NECAB1: variants seen among roughly 807,000 people sequenced by gnomAD.
NECAB1 encodes the protein N-terminal EF-hand calcium binding protein 1, also known as N-terminal EF-hand calcium-binding protein 1.
NECAB1 carries 29 observed loss-of-function variants against 57.5 expected under a neutral mutation model. The ratio of observed to expected loss-of-function variants is 0.50; its 90% confidence interval spans 0.38 to 0.69. The LOEUF is 0.69. Ranked by LOEUF, NECAB1 falls within the 30% of genes least tolerant of loss-of-function variation. The pLI, the probability that NECAB1 is intolerant of heterozygous loss-of-function variation, is 0.00. For missense variants in NECAB1, 372 were observed against 413.8 expected (o/e 0.90, Z 0.88); for synonymous variants, 142 against 147.7 (o/e 0.96, Z 0.28).
chr8:90,924,213 T>C (rs1226403272), intron 6 of NECAB1, among the ~76,000 whole-genome samples: 1 of 152,192 alleles, frequency 6.6e-6, no homozygotes, highest in Non-Finnish European at 1.5e-5. Flanking sequence ...CAATTGGCAA[T>C]CTAGAAATCT....
intron 5 of NECAB1, among the ~76,000 whole-genome samples, chr8:90,886,498 G>A (rs1808994534): frequency 6.6e-6 from 1 of 152,024 alleles, no homozygotes; most frequent in Admixed American, 6.6e-5. Context: ...AAATGTAAAA[G>A]TGCAGGTCTT....
At chr8:90,829,696 C>A (rs907996182) in intron 3 of NECAB1, among the ~76,000 whole-genome samples, 37 of 152,014 alleles carry the variant, frequency 2.4e-4, no homozygotes, top group Admixed American at 2.2e-3. Context: ...CTTGTTAAAT[C>A]ACTGAAGCAC....
chr8:90,865,339 G>A (rs530451790), intron 3 of NECAB1, among the ~76,000 whole-genome samples: 1 of 152,138 alleles, frequency 6.6e-6, no homozygotes, highest in Non-Finnish European at 1.5e-5. Flanking sequence ...CTTGCTTATG[G>A]GACCTCCTAT....
intron 6 of NECAB1, 106 bp downstream of exon 6, chr8:90,917,734 G>T: frequency 9.1e-7 from 1 of 1,093,868 alleles, no homozygotes; most frequent in African/African-American, 1.6e-5. Flanking sequence ...AAAGAGAATT[G>T]ATATATTTAA....
At chr8:90,865,091 G>A (rs1202651093) in intron 3 of NECAB1, among the ~76,000 whole-genome samples, 1 of 152,092 alleles carries the variant, frequency 6.6e-6, no homozygotes, top group African/African-American at 2.4e-5. Context: ...AATGGAAGAA[G>A]GGCGGAGCAG....
intron 5 of NECAB1, among the ~76,000 whole-genome samples, chr8:90,916,002 G>A (rs1809942510): frequency 6.6e-6 from 1 of 152,186 alleles, no homozygotes; most frequent in South Asian, 2.1e-4. Context: ...TTGAGGGTGG[G>A]TCTGCCCCTC....
At chr8:90,792,944 GTCTA>G (rs1035446709) in intron 1 of NECAB1, among the ~76,000 whole-genome samples, 8 of 152,190 alleles carry the variant, frequency 5.3e-5, no homozygotes, top group African/African-American at 1.9e-4. Flanking sequence ...CGGAGGTCGT[GTCTA>G]TCTCAGTGGG....
At chr8:90,832,134 C>T (rs2129723741) in intron 3 of NECAB1, among the ~76,000 whole-genome samples, 1 of 152,204 alleles carries the variant, frequency 6.6e-6, no homozygotes, top group Middle Eastern at 3.4e-3. Flanking sequence ...TTACTGAAAC[C>T]CATTTACTTG....
intron 3 of NECAB1, among the ~76,000 whole-genome samples, chr8:90,845,734 A>G (rs1346067601): frequency 6.6e-6 from 1 of 152,196 alleles, no homozygotes; most frequent in Non-Finnish European, 1.5e-5. Context: ...CTTGATTTTC[A>G]AAAAAACAAT....
Position 90,940,831 on chromosome 8 carries a change from C to T in NECAB1, c.793C>T (p.Leu265=). ...QRQMSVIEED[L]EEFQLALKHY... The stretch of plus-strand genomic sequence containing the variant: ...GCAGATGTCTGTGATAGAAGAGGAC[C>T]TGGAAGAATTCCAGCTCGCTCTGAA... The change falls in exon 10 of 13, where the codon CTG becomes TTG. Residue 265 remains leucine, a synonymous_variant. Transcript: ENST00000417640. 1.3e-6 allele frequency: 2 copies of T among 1,565,102 alleles called. No individual in the cohort carries two copies. The highest frequency in any genetic ancestry group is 1.4e-5 in the African/African-American group (1 of 73,786).
chr8:90,923,463 A>G (rs1810179885), intron 6 of NECAB1, among the ~76,000 whole-genome samples: 1 of 152,228 alleles, frequency 6.6e-6, no homozygotes, highest in Non-Finnish European at 1.5e-5. Context: ...CCAATGGTCA[A>G]GGTTCCCTGA....
chr8:90,915,362 G>C (rs555206227), intron 5 of NECAB1, among the ~76,000 whole-genome samples: 1 of 151,878 alleles, frequency 6.6e-6, no homozygotes, highest in East Asian at 1.9e-4. Flanking sequence ...AGAATTTTTT[G>C]AAGTTTTTTT....
At chr8:90,815,302 A>G (rs1812040404) in intron 2 of NECAB1, among the ~76,000 whole-genome samples, 1 of 151,926 alleles carries the variant, frequency 6.6e-6, no homozygotes, top group African/African-American at 2.4e-5. Context: ...CTCTCCCTCA[A>G]TCCCTCCAGT....
intron 10 of NECAB1, among the ~76,000 whole-genome samples, chr8:90,947,383 A>G (rs1810834282): frequency 6.8e-6 from 1 of 147,036 alleles, no homozygotes; most frequent in African/African-American, 2.5e-5. Flanking sequence ...AGAATTCTAC[A>G]TGTAACTTCT....
chr8:90,873,071 T>C (rs1808648011), intron 4 of NECAB1, among the ~76,000 whole-genome samples: 1 of 152,202 alleles, frequency 6.6e-6, no homozygotes, highest in South Asian at 2.1e-4. Context: ...CACCAAAAGA[T>C]GTTATACGAG....
At chr8:90,904,649 C>T (rs114414161) in intron 5 of NECAB1, among the ~76,000 whole-genome samples, 1,676 of 151,898 alleles carry the variant, frequency 0.011, 35 homozygotes, top group African/African-American at 0.038. Context: ...GTCCAATATA[C>T]CTCTAAGCAA....
At position 90,955,112 on chromosome 8, in the gene NECAB1, TTATA is replaced by T. The variant is rs59244524; in HGVS notation, c.1031-341_1031-338del. Among the ~76,000 whole-genome samples the T allele has an allele frequency of 7.1e-3, 504 of 70,794 alleles. 2 individuals are homozygous for T. The highest frequency in any genetic ancestry group is 0.026 in the Middle Eastern group (3 of 114). 46.4% of individuals were successfully genotyped at this position (70,794 alleles called of 152,430 possible). A position where few individuals can be genotyped will look rare whatever the true frequency, so the allele number is the denominator to read the frequency against. On this transcript the variant is annotated intron_variant, in intron 12 of 12. Transcript: ENST00000417640. ...ATTTCATAAATATTGGGTATATAAA[TTATA>T]TATATATATATATATATATATATAT...
chr8:90,817,564 GATATA>G (rs1309114563), intron 2 of NECAB1, among the ~76,000 whole-genome samples: 4 of 151,314 alleles, frequency 2.6e-5, no homozygotes, highest in Admixed American at 6.6e-5. Context: ...TTCATCAGTT[GATATA>G]ATATGATTTT....
intron 4 of NECAB1, among the ~76,000 whole-genome samples, chr8:90,874,878 A>C (rs1307267245): frequency 6.6e-6 from 1 of 152,212 alleles, no homozygotes; most frequent in Non-Finnish European, 1.5e-5. Flanking sequence ...GTGCACACCC[A>C]CCAGCAGTTT....
Sources: allele counts gnomAD v4.1 joint callset (sites outside exome capture counted in the v4.1 genomes callset), GRCh38; gene constraint gnomAD v4.1.1; transcripts MANE v1.5; gene names NCBI Gene and HGNC (gene_info 2026-07-23, HGNC 2026-07-21).